Variants in CDYL observed in about 807,000 individuals in gnomAD.
CDYL encodes the protein chromodomain Y like, also known as chromodomain Y-like protein.
In CDYL, 8 loss-of-function variants were observed where a neutral mutation model predicts 47.3. The ratio of observed to expected loss-of-function variants is 0.17; its 90% CI spans 0.10 to 0.31. The LOEUF is 0.31. CDYL is among the 10% of genes least tolerant of loss of function. CDYL has a pLI of 1.00. For missense variants in CDYL, 471 were observed against 701.4 expected (o/e 0.67, Z 3.71); for synonymous variants, 266 against 265.0 (o/e 1.00, Z -0.04).
Position 4,790,541 on chromosome 6 carries a change from C to T in CDYL, c.24+13734C>T, listed in dbSNP as rs367619578. Among the ~76,000 whole-genome samples, 24 of 152,276 alleles carry T rather than the reference C, an allele frequency of 1.6e-4. 1 individual carries two copies. Among genetic ancestry groups the T allele is most frequent in the Admixed American group, 7.8e-4 (12 of 15,298 alleles). On this transcript the variant is annotated intron_variant, in intron 1 of 6. Coordinates refer to ENST00000397588, the MANE Select transcript of CDYL (RefSeq NM_004824.4). ...TTGAGTTCCTCATCTGCCTTTTCCC[C>T]TGGTCATCATACATGGGATCATTAA...
At chr6:4,736,287 T>G (rs4960041) in intron 3 of CDYL, among the ~76,000 whole-genome samples, 1 of 152,032 alleles carries the variant, frequency 6.6e-6, no homozygotes, top group African/African-American at 2.4e-5. Flanking sequence ...AGCTGTATGT[T>G]ATATGAAAAC....
At chr6:4,911,485 C>G (rs1421020382) in intron 2 of CDYL, among the ~76,000 whole-genome samples, 1 of 152,148 alleles carries the variant, frequency 6.6e-6, no homozygotes, top group Non-Finnish European at 1.5e-5. Flanking sequence ...GTTTAGTGAA[C>G]AAAATGTGTC....
chr6:4,746,740 T>C (rs1757905505), intron 3 of CDYL, among the ~76,000 whole-genome samples: 2 of 152,122 alleles, frequency 1.3e-5, no homozygotes, highest in African/African-American at 2.4e-5. Context: ...AGGACAGATC[T>C]GGCCTGGAGA....
intron 2 of CDYL, among the ~76,000 whole-genome samples, chr6:4,721,065 C>T (rs956869988): frequency 1.3e-5 from 2 of 149,198 alleles, no homozygotes; most frequent in Non-Finnish European, 1.5e-5. Context: ...CTAAAAAATA[C>T]CAATAAATAG....
intron 1 of CDYL, among the ~76,000 whole-genome samples, chr6:4,712,433 A>G (rs553357955): frequency 5.2e-4 from 79 of 152,318 alleles, no homozygotes; most frequent in Admixed American, 7.8e-4. Flanking sequence ...AGTGAGAAAG[A>G]CAGCAGGGGC....
intron 1 of CDYL, among the ~76,000 whole-genome samples, chr6:4,841,388 A>G (rs1760484381): frequency 6.6e-6 from 1 of 151,682 alleles, no homozygotes; most frequent in Non-Finnish European, 1.5e-5. Context: ...TTTTGTTGGA[A>G]TTTCATTTAG....
At chr6:4,835,916 T>A (rs1018965868) in intron 1 of CDYL, among the ~76,000 whole-genome samples, 1 of 152,198 alleles carries the variant, frequency 6.6e-6, no homozygotes, top group Admixed American at 6.5e-5. Flanking sequence ...TGCGCCATTT[T>A]TTAAGCCCGT....
At chr6:4,754,593 A>G (rs185048523) in intron 3 of CDYL, among the ~76,000 whole-genome samples, 14 of 152,336 alleles carry the variant, frequency 9.2e-5, no homozygotes, top group Admixed American at 2.6e-4. Context: ...TGTAAGAAGG[A>G]ATATCTGAAT....
At chr6:4,822,146 CTTTA>C (rs71974152) in intron 1 of CDYL, among the ~76,000 whole-genome samples, 3,978 of 151,246 alleles carry the variant, frequency 0.026, 177 homozygotes, top group African/African-American at 0.091. Context: ...TTTTTCTTTT[CTTTA>C]TTTTTTTTTT....
chr6:4,908,950 G>T (rs1410898134), intron 2 of CDYL, among the ~76,000 whole-genome samples: 2 of 149,682 alleles, frequency 1.3e-5, no homozygotes, highest in South Asian at 4.1e-4. Context: ...AGCCACAAAA[G>T]GTTCTATGCT....
chr6:4,949,067 C>G (rs770996874), intron 5 of CDYL, among the ~76,000 whole-genome samples: 1 of 152,244 alleles, frequency 6.6e-6, no homozygotes, highest in African/African-American at 2.4e-5. Context: ...GCAAATAGTG[C>G]AGGCTGTGTG....
At chr6:4,750,381 T>G (rs1757968897) in intron 3 of CDYL, among the ~76,000 whole-genome samples, 2 of 151,982 alleles carry the variant, frequency 1.3e-5, no homozygotes, top group Admixed American at 1.3e-4. Context: ...TTTTGTATTT[T>G]TAAAAGAGAC....
intron 2 of CDYL, among the ~76,000 whole-genome samples, chr6:4,719,315 A>T (rs993117763): frequency 7.2e-5 from 11 of 152,164 alleles, no homozygotes; most frequent in Non-Finnish European, 1.0e-4. Context: ...CTTACTATCC[A>T]TTTATAGAAG....
intron 5 of CDYL, among the ~76,000 whole-genome samples, chr6:4,946,102 C>T (rs1036151433): frequency 2.2e-4 from 34 of 152,224 alleles, no homozygotes; most frequent in Admixed American, 5.9e-4. Context: ...GTAGCAACAG[C>T]GACTGCATCA....
intron 1 of CDYL, among the ~76,000 whole-genome samples, chr6:4,832,922 AT>A (rs1332027842): frequency 6.6e-6 from 1 of 151,830 alleles, no homozygotes; most frequent in African/African-American, 2.4e-5. Context: ...CAGTGGTGAT[AT>A]CCCCTTTATC....
chr6:4,712,344 TC>T (rs973737164), intron 1 of CDYL, among the ~76,000 whole-genome samples: 7 of 151,682 alleles, frequency 4.6e-5, no homozygotes, highest in African/African-American at 1.7e-4. Flanking sequence ...ATACTAGGAA[TC>T]CCCCCTGGAT....
At chr6:4,839,077 C>A (rs775391382) in intron 1 of CDYL, among the ~76,000 whole-genome samples, 9 of 152,314 alleles carry the variant, frequency 5.9e-5, no homozygotes, top group South Asian at 2.1e-4. Context: ...CACATCCACA[C>A]CAACTTCTAT....
In CDYL at chr6:4,776,678, C is replaced by T; in HGVS notation, c.-106C>T. ...CCCAGCGCCCGGCCGGCCGCGGGAG[C>T]AGGAAGCGCAGGCCACGCAGGACCC... On this transcript the variant is annotated 5_prime_UTR_variant, in exon 1 of 7. Coordinates refer to ENST00000397588, the MANE Select transcript of CDYL (RefSeq NM_004824.4). 3 of 1,035,592 alleles carry T rather than the reference C, an allele frequency of 2.9e-6. No homozygotes were observed. The highest frequency in any genetic ancestry group is 1.7e-5 in the South Asian group (1 of 58,356). 64.2% of individuals were successfully genotyped at this position (1,035,592 alleles called of 1,614,324 possible).
chr6:4,954,184 T>C lies in CDYL; in HGVS notation c.*128T>C, dbSNP rs1162360984. 1.1e-6 allele frequency: 1 copy of C among 895,884 alleles called. No individual in the cohort carries two copies. Among genetic ancestry groups the C allele is most frequent in the African/African-American group, 1.7e-5 (1 of 59,996 alleles). The allele number at this position is 895,884 out of a possible 1,614,324, so 55.5% of individuals were successfully genotyped here. On this transcript the variant is annotated 3_prime_UTR_variant, in exon 7 of 7. Coordinates refer to ENST00000397588, the MANE Select transcript of CDYL (RefSeq NM_004824.4). ...CGTAGCTTACGCTTGGAAGCAGGAC[T>C]GGGAACATCCACGCTATTTATTATC...
Sources: gnomAD v4.1 joint callset for allele counts (sites outside exome capture counted in the v4.1 genomes callset) on GRCh38, gnomAD v4.1.1 for gene constraint, MANE v1.5 for transcripts, NCBI Gene and HGNC (gene_info 2026-07-23, HGNC 2026-07-21) for gene names.